PCDHGA12: variants seen among roughly 807,000 people sequenced by gnomAD.
The protein encoded by PCDHGA12 is protocadherin gamma-A12.
In PCDHGA12, 43 loss-of-function variants were observed where a neutral mutation model predicts 61.1. The observed-to-expected ratio is 0.70, with a 90% CI of 0.55 to 0.91. PCDHGA12 has a LOEUF of 0.91. Ranked by LOEUF, PCDHGA12 falls within the 40% of genes least tolerant of loss-of-function variation. PCDHGA12 has a pLI of 0.00. For missense variants in PCDHGA12, 1,236 were observed against 1,227.7 expected (o/e 1.01, Z -0.10); for synonymous variants, 520 against 542.9 (o/e 0.96, Z 0.59).
intron 2 of PCDHGA12, among the ~76,000 whole-genome samples, chr5:141,504,288 G>GT (rs1175142876): frequency 6.6e-6 from 1 of 152,124 alleles, no homozygotes; most frequent in African/African-American, 2.4e-5. Context: ...ATCATTTCAT[G>GT]TTTTTTCAAC....
rs930695301 is a variant in PCDHGA12, at chr5:141,472,874, T to C, written c.2425-21933T>C. On this transcript the variant is annotated intron_variant, in intron 1 of 3. Coordinates refer to ENST00000252085, the MANE Select transcript of PCDHGA12 (RefSeq NM_003735.3). ...GGTGGCACATGCCTGTATTCCCAGC[T>C]ACTCGGGAGGCTGAGGCAGGAGAAT... Among the ~76,000 whole-genome samples, 5 of 150,448 alleles carry C rather than the reference T, an allele frequency of 3.3e-5. No homozygotes were observed. In the Admixed American group the frequency reaches 3.3e-4, roughly 10 times the overall value.
Position 141,489,527 on chromosome 5 carries a change from G to A in PCDHGA12, c.2425-5280G>A. On this transcript the variant is annotated intron_variant, in intron 1 of 3. Coordinates refer to ENST00000252085, the MANE Select transcript of PCDHGA12 (RefSeq NM_003735.3). The surrounding 1 kb of genome is among the most constrained non-coding windows in gnomAD (Gnocchi z 4.5). The stretch of plus-strand genomic sequence containing the variant: ...CAAAAGATTGACCGAGAAAGCCTAT[G>A]TGGAGCCAGCACCAGCTGCCTGCTG... The A allele has an allele frequency of 1.9e-6, 3 of 1,614,152 alleles. No individual in the cohort carries two copies. Among genetic ancestry groups the A allele is most frequent in the East Asian group, 2.2e-5 (1 of 44,874 alleles).
intron 1 of PCDHGA12, among the ~76,000 whole-genome samples, chr5:141,462,069 C>T (rs555164288): frequency 4.3e-4 from 65 of 151,850 alleles, no homozygotes; most frequent in Non-Finnish European, 7.5e-4. Context: ...GTGATCTGCC[C>T]GCCTTGGCCT....
chr5:141,448,763 A>AC (rs1372638258), intron 1 of PCDHGA12, among the ~76,000 whole-genome samples: 11 of 151,572 alleles, frequency 7.3e-5, no homozygotes, highest in Admixed American at 5.3e-4. Flanking sequence ...ACACGGTGAA[A>AC]CCCCGTCTGT....
In PCDHGA12 at chr5:141,486,708, C is replaced by A; in HGVS notation, c.2425-8099C>A. On this transcript the variant is annotated intron_variant, in intron 1 of 3. Transcript: ENST00000252085. The surrounding 1 kb of genome is among the most constrained non-coding windows in gnomAD (Gnocchi z 5.0). ...GCTTCCTCTTTCATCTCTCTGAACC[C>A]CCAGACAGGAGCTGTTCATGCTACT... is the stretch of plus-strand genomic sequence containing the variant. 6.2e-7 allele frequency: 1 copy of A among 1,614,180 alleles called. No individual in the cohort carries two copies. Among genetic ancestry groups the A allele is most frequent in the South Asian group, 1.1e-5 (1 of 91,084 alleles).
intron 1 of PCDHGA12, among the ~76,000 whole-genome samples, chr5:141,472,508 C>T (rs140607073): frequency 0.01 from 1,548 of 151,922 alleles, 35 homozygotes; most frequent in African/African-American, 0.035. Flanking sequence ...CCACTGCACT[C>T]CAGCCTGGGT....
In PCDHGA12 at chr5:141,431,321, G is replaced by A. The variant is rs112186927; in HGVS notation, c.562G>A (p.Gly188Ser). The A allele has an allele frequency of 1.2e-6, 2 of 1,613,938 alleles. No individual in the cohort carries two copies. The highest frequency in any genetic ancestry group is 1.3e-5 in the African/African-American group (1 of 74,910). ...FSLIVQNGAD[G>S]SKYPELVLKR... ...CCTCATCGTGCAAAATGGAGCCGAC[G>A]GTAGTAAGTACCCCGAATTGGTGCT... is the stretch of plus-strand genomic sequence containing the variant. Residue 188 changes from glycine (G) to serine (S), a missense_variant, in exon 1 of 4, where the codon GGT (glycine) becomes AGT (serine). Physicochemically the swap from Gly to Ser is moderately conservative, Grantham distance 56 (BLOSUM62 0). Transcript: ENST00000252085. The surrounding 1 kb of genome is among the most constrained non-coding windows in gnomAD (Gnocchi z 4.8).
At position 141,487,769 on chromosome 5, in the gene PCDHGA12, T is replaced by C. The variant is rs775270506; in HGVS notation, c.2425-7038T>C. Reference sequence around the variant, plus strand: ...TAACTATGTGGTAGACGCTGTGCTTTGTAACTGTTTCGTGAATTAACCAGA... The same window carrying C: ...TAACTATGTGGTAGACGCTGTGCTTCGTAACTGTTTCGTGAATTAACCAGA... On this transcript the variant is annotated intron_variant, in intron 1 of 3. Transcript: ENST00000252085. The surrounding 1 kb of genome is among the most constrained non-coding windows in gnomAD (Gnocchi z 5.0). 8 of 1,538,288 alleles carry C rather than the reference T, an allele frequency of 5.2e-6. No homozygotes were observed. The highest frequency in any genetic ancestry group is 1.2e-5 in the South Asian group (1 of 82,608).
chr5:141,446,639 G>C (rs1461520959), intron 1 of PCDHGA12, among the ~76,000 whole-genome samples: 1 of 152,116 alleles, frequency 6.6e-6, no homozygotes, highest in Non-Finnish European at 1.5e-5. Context: ...ACCACGCCTG[G>C]CTAATTTTTG....
chr5:141,455,140 A>G (rs1465733732), intron 1 of PCDHGA12, among the ~76,000 whole-genome samples: 1 of 150,512 alleles, frequency 6.6e-6, no homozygotes, highest in Non-Finnish European at 1.5e-5. Context: ...ACACTGTGTT[A>G]AATAAATATT....
chr5:141,494,021 G>C (rs1036188621), intron 1 of PCDHGA12, among the ~76,000 whole-genome samples: 2 of 152,158 alleles, frequency 1.3e-5, no homozygotes, highest in African/African-American at 2.4e-5. Context: ...CCCCTTGGGA[G>C]CCCTGGAGAC....
intron 1 of PCDHGA12, among the ~76,000 whole-genome samples, chr5:141,443,466 A>G (rs1402303157): frequency 6.6e-6 from 1 of 152,184 alleles, no homozygotes; most frequent in East Asian, 1.9e-4. Flanking sequence ...AGTCTGGGTG[A>G]CAGAATTAGA....
intron 3 of PCDHGA12, among the ~76,000 whole-genome samples, chr5:141,507,784 T>C (rs2099863290): frequency 6.6e-6 from 1 of 152,136 alleles, no homozygotes; most frequent in Non-Finnish European, 1.5e-5. Context: ...GGCCTGACCC[T>C]CGTCTAAGCC....
Position 141,430,750 on chromosome 5 carries a change from G to A in PCDHGA12, c.-10G>A, listed in dbSNP as rs746434313. On this transcript the variant is annotated 5_prime_UTR_variant, in exon 1 of 4. Transcript: ENST00000252085. ...GGCAGAATTGAAAATAATTCTGGAG[G>A]AAGATAAGAATGATTCCTGCGCGAC... The A allele has an allele frequency of 1.3e-6, 2 of 1,500,586 alleles. No homozygotes were observed. The highest frequency in any genetic ancestry group is 1.8e-6 in the Non-Finnish European group (2 of 1,126,504). The allele number at this position is 1,500,586 out of a possible 1,614,324, so 93.0% of individuals were successfully genotyped here. A position where few individuals can be genotyped will look rare whatever the true frequency, so the allele number is the denominator to read the frequency against.
chr5:141,478,758 T>C (rs1333135263), intron 1 of PCDHGA12: 2 of 1,515,540 alleles, frequency 1.3e-6, no homozygotes, highest in South Asian at 1.3e-5. Flanking sequence ...AGGGGGAAGA[T>C]ACTTGACTCA....
At chr5:141,443,328 A>C (rs569134076) in intron 1 of PCDHGA12, among the ~76,000 whole-genome samples, 24 of 151,794 alleles carry the variant, frequency 1.6e-4, no homozygotes, top group African/African-American at 4.8e-4. Context: ...AAAAAAAAAA[A>C]ACAAAAATTA....
intron 2 of PCDHGA12, among the ~76,000 whole-genome samples, chr5:141,496,040 AT>A (rs2099765531): frequency 1.3e-5 from 2 of 150,356 alleles, no homozygotes; most frequent in Admixed American, 6.6e-5. Flanking sequence ...TCTGTCTCTC[AT>A]TTTTTTGTGC....
intron 1 of PCDHGA12, among the ~76,000 whole-genome samples, chr5:141,455,407 A>T (rs1273781307): frequency 1.3e-5 from 2 of 152,174 alleles, no homozygotes; most frequent in Non-Finnish European, 2.9e-5. Context: ...TTACAGAGAC[A>T]GAGGGAGCGG....
intron 1 of PCDHGA12, among the ~76,000 whole-genome samples, chr5:141,468,962 C>T (rs2099187487): frequency 6.7e-6 from 1 of 148,782 alleles, no homozygotes; most frequent in Non-Finnish European, 1.5e-5. Context: ...GTTTTTTTTA[C>T]CTTAGGCTTT....
Sources: gnomAD v4.1 joint callset for allele counts (sites outside exome capture counted in the v4.1 genomes callset) on GRCh38, gnomAD v4.1.1 for gene constraint, Gnocchi (gnomAD v3.1) non-coding constraint, MANE v1.5 for transcripts, NCBI Gene and HGNC (gene_info 2026-07-23, HGNC 2026-07-21) for gene names.